The following SLCO3A1 variants were observed in gnomAD, a reference collection of about 807,000 sequenced individuals.
SLCO3A1 encodes the protein solute carrier organic anion transporter family member 3A1, also known as PGE1 transporter.
Under a neutral mutation model 63.1 loss-of-function variants are expected in SLCO3A1, and 27 were observed. That is an observed-to-expected ratio of 0.43 (90% CI 0.32 to 0.59). SLCO3A1 has a LOEUF of 0.59. SLCO3A1 is among the 20% of genes least tolerant of loss of function. SLCO3A1 has a pLI of 0.09. For missense variants in SLCO3A1, 773 were observed against 945.8 expected, an observed-to-expected ratio of 0.82 and a Z score of 2.40; for synonymous variants, 473 against 409.9, an observed-to-expected ratio of 1.15 and a Z score of -1.86.
chr15:92,165,346 C>G lies in SLCO3A1; in HGVS notation c.*2211C>G, dbSNP rs1329375017. 1.0e-6 allele frequency: 1 copy of G among 984,970 alleles called. No homozygotes were observed. The highest frequency in any genetic ancestry group is 1.7e-5 in the African/African-American group (1 of 57,192). 61.0% of individuals were successfully genotyped at this position (984,970 alleles called of 1,614,324 possible). A position where few individuals can be genotyped will look rare whatever the true frequency, so the allele number is the denominator to read the frequency against. ...CATAAAATATGTATGTTCTGTTGTT[C>G]CTAAGGCTTTGATAATATCCTGTAC... On this transcript the variant is annotated 3_prime_UTR_variant, in exon 10 of 10. Coordinates refer to ENST00000318445, the MANE Select transcript of SLCO3A1 (RefSeq NM_013272.4).
chr15:91,963,897 G>A lies in SLCO3A1; in HGVS notation c.646+47439G>A, dbSNP rs1040609014. On this transcript the variant is annotated intron_variant, in intron 2 of 9. Transcript: ENST00000318445. Reference sequence around the variant, plus strand: ...CCAAGCAGGTTGCCGCTGCTATTTCGGGTGGCCAGCTTTTATTCCCTTATT... The same window carrying A: ...CCAAGCAGGTTGCCGCTGCTATTTCAGGTGGCCAGCTTTTATTCCCTTATT... 3.9e-5 allele frequency among the ~76,000 whole-genome samples: 6 copies of A among 152,072 alleles called. No homozygotes were observed. The South Asian group carries it at 6.2e-4, about 16-fold the overall frequency.
chr15:92,001,010 C>G (rs1375923648), intron 2 of SLCO3A1, among the ~76,000 whole-genome samples: 1 of 152,100 alleles, frequency 6.6e-6, no homozygotes, highest in Non-Finnish European at 1.5e-5. Context: ...GTCTCTGCCT[C>G]CTAAATATGC....
intron 8 of SLCO3A1, among the ~76,000 whole-genome samples, chr15:92,150,157 C>T (rs746046705): frequency 7.9e-5 from 12 of 152,088 alleles, no homozygotes; most frequent in African/African-American, 1.7e-4. Flanking sequence ...GTCCAATGTT[C>T]GAGGGCAGAA....
intron 2 of SLCO3A1, among the ~76,000 whole-genome samples, chr15:92,028,973 G>A (rs1474053354): frequency 7.5e-6 from 1 of 133,158 alleles, no homozygotes; most frequent in Non-Finnish European, 1.6e-5. Flanking sequence ...CTGACCCATG[G>A]TCAAACAACC....
intron 9 of SLCO3A1, chr15:92,155,075 A>T (rs2048354935): frequency 6.6e-6 from 1 of 152,198 alleles, no homozygotes. Flanking sequence ...TATGTTGTTG[A>T]GTAGGGGAGG....
chr15:92,080,989 G>GTGT (rs2047338572), intron 2 of SLCO3A1, among the ~76,000 whole-genome samples: 1 of 100,202 alleles, frequency 1.0e-5, no homozygotes, highest in African/African-American at 3.4e-5. Flanking sequence ...TGTGTGTATG[G>GTGT]GGTACGTGAG....
rs769130657 is a variant in SLCO3A1, at chr15:91,916,124, C to G, written c.312C>G (p.His104Gln). Residue 104 changes from histidine (H) to glutamine (Q), a missense_variant, in exon 2 of 10, where the codon CAC (histidine) becomes CAG (glutamine). Around this residue, in one of 3 missense-constraint regions of SLCO3A1, gnomAD observed 565 missense variants for 749.8 expected, o/e 0.75. Transcript: ENST00000318445. This position sits in a 1 kb window ranked among gnomAD's most constrained non-coding sequence, Gnocchi z 6.2. Reference sequence around the variant, plus strand: ...TGAGCTACTTCGGGGCACGCGGGCACCGGCCGCGCCTGATCGGCTGCGGCG... The same window carrying G: ...TGAGCTACTTCGGGGCACGCGGGCAGCGGCCGCGCCTGATCGGCTGCGGCG... Reference protein sequence around the residue: ...LFVSYFGARGHRPRLIGCGGI... With the variant: ...LFVSYFGARGQRPRLIGCGGI... The G allele has an allele frequency of 6.2e-7, 1 of 1,610,574 alleles. No individual in the cohort carries two copies. The highest frequency in any genetic ancestry group is 2.2e-5 in the East Asian group (1 of 44,830).
At chr15:92,022,157 G>A (rs943635491) in intron 2 of SLCO3A1, among the ~76,000 whole-genome samples, 7 of 152,176 alleles carry the variant, frequency 4.6e-5, no homozygotes, top group African/African-American at 7.2e-5. Context: ...GGAAATTCCC[G>A]GCTTTAAAAG....
intron 2 of SLCO3A1, among the ~76,000 whole-genome samples, chr15:91,927,771 G>A (rs1232719379): frequency 2.0e-5 from 3 of 152,160 alleles, no homozygotes; most frequent in Non-Finnish European, 4.4e-5. Context: ...GGTTGTTAAT[G>A]GAGTTTACAA....
At chr15:92,015,281 T>A (rs1193933586) in intron 2 of SLCO3A1, among the ~76,000 whole-genome samples, 3 of 152,032 alleles carry the variant, frequency 2.0e-5, no homozygotes, top group Non-Finnish European at 2.9e-5. Flanking sequence ...TCAGACTGGG[T>A]AATTTATAAA....
chr15:92,069,723 A>C, intron 2 of SLCO3A1, among the ~76,000 whole-genome samples: 1 of 152,262 alleles, frequency 6.6e-6, no homozygotes, highest in South Asian at 2.1e-4. Flanking sequence ...CTTCCCTCTC[A>C]TCTGAACACT....
At chr15:92,083,846 A>G (rs985305626) in intron 2 of SLCO3A1, among the ~76,000 whole-genome samples, 2 of 152,208 alleles carry the variant, frequency 1.3e-5, no homozygotes, top group African/African-American at 4.8e-5. Flanking sequence ...CTAATCACCC[A>G]AACCTCAAAA....
intron 2 of SLCO3A1, among the ~76,000 whole-genome samples, chr15:91,930,909 C>A (rs1458888909): frequency 1.3e-5 from 2 of 152,228 alleles, no homozygotes; most frequent in African/African-American, 4.8e-5. Flanking sequence ...GGTTCTTGCT[C>A]CTCACAATAT....
intron 7 of SLCO3A1, among the ~76,000 whole-genome samples, chr15:92,136,956 C>T (rs775242414): frequency 1.4e-5 from 2 of 147,214 alleles, no homozygotes; most frequent in African/African-American, 2.5e-5. Flanking sequence ...TCGCGTGGAC[C>T]AAGTAGTCTG....
At chr15:92,098,609 C>A (rs557961273) in intron 3 of SLCO3A1, among the ~76,000 whole-genome samples, 1 of 152,306 alleles carries the variant, frequency 6.6e-6, no homozygotes, top group South Asian at 2.1e-4. Context: ...GTAGTAACAG[C>A]AGCCATGAAT....
chr15:92,130,884 GCAAAAAAAAA>G (rs899212808), intron 7 of SLCO3A1, among the ~76,000 whole-genome samples: 1 of 107,328 alleles, frequency 9.3e-6, no homozygotes, highest in African/African-American at 3.8e-5. Context: ...CAAGTTCGGG[GCAAAAAAAAA>G]AAAAAAAAAA....
At chr15:91,878,753 C>A (rs1897469601) in intron 1 of SLCO3A1, among the ~76,000 whole-genome samples, 1 of 152,180 alleles carries the variant, frequency 6.6e-6, no homozygotes, top group South Asian at 2.1e-4. Flanking sequence ...TCACAGACAT[C>A]TAAACAATGA....
chr15:92,071,703 C>T (rs2047218019), intron 2 of SLCO3A1, among the ~76,000 whole-genome samples: 1 of 152,178 alleles, frequency 6.6e-6, no homozygotes, highest in South Asian at 2.1e-4. Flanking sequence ...CCTCTGGCCC[C>T]AGTTCTTCAG....
chr15:91,997,894 A>G (rs1445989720), intron 2 of SLCO3A1, among the ~76,000 whole-genome samples: 1 of 152,204 alleles, frequency 6.6e-6, no homozygotes, highest in Admixed American at 6.5e-5. Context: ...TAGGAGCTCA[A>G]ACTATAAGAA....
Sources: allele counts gnomAD v4.1 joint callset (sites outside exome capture counted in the v4.1 genomes callset), GRCh38; gene constraint gnomAD v4.1.1; regional missense constraint gnomAD v4.1.1; non-coding constraint Gnocchi (gnomAD v3.1); transcripts MANE v1.5; gene names NCBI Gene and HGNC (gene_info 2026-07-23, HGNC 2026-07-21).